Variants in RAD51C observed in about 807,000 individuals in gnomAD.
The protein encoded by RAD51C is DNA repair protein RAD51 homolog 3.
RAD51C carries 42 observed loss-of-function variants against 45.0 expected under a neutral mutation model. The ratio of observed to expected loss-of-function variants is 0.93; its 90% CI spans 0.73 to 1.21. The LOEUF is 1.21. Ranked by LOEUF, RAD51C falls within the 50% of genes most tolerant of loss-of-function variation. The probability of loss-of-function intolerance (pLI) is 0.00; values close to 1 mark genes in which losing one functional copy is unlikely to be tolerated. For synonymous variants in RAD51C, 172 were observed against 159.8 expected (o/e 1.08, Z -0.58); for missense variants, 474 against 452.2 (o/e 1.05, Z -0.44).
At chr17:58,703,174 T>A (rs756889526) in intron 3 of RAD51C, 22 bp from the exon 4 acceptor site, 3 of 1,607,900 alleles carry the variant, frequency 1.9e-6, no homozygotes, top group Non-Finnish European at 2.6e-6. Context: ...TAAAACTAAT[T>A]AAGAGTGTTT....
At chr17:58,707,332 A>G (rs1713148472) in intron 4 of RAD51C, among the ~76,000 whole-genome samples, 1 of 152,152 alleles carries the variant, frequency 6.6e-6, no homozygotes, top group Non-Finnish European at 1.5e-5. Flanking sequence ...CAGTCTGGCC[A>G]ACATGGTGAA....
At chr17:58,694,034 T>A (rs562818377) in intron 1 of RAD51C, 1 of 152,334 alleles carries the variant, frequency 6.6e-6, no homozygotes, top group South Asian at 2.1e-4. Flanking sequence ...GCCATTTTCT[T>A]TTCTCAGGCC....
intron 4 of RAD51C, among the ~76,000 whole-genome samples, chr17:58,706,862 A>G (rs1199291295): frequency 6.6e-6 from 1 of 152,160 alleles, no homozygotes; most frequent in Non-Finnish European, 1.5e-5. Flanking sequence ...TGGATAATCT[A>G]TTTATAGAGT....
At chr17:58,724,565 T>G (rs951908116) in intron 7 of RAD51C, among the ~76,000 whole-genome samples, 1 of 145,048 alleles carries the variant, frequency 6.9e-6, no homozygotes, top group African/African-American at 2.5e-5. Context: ...ATTGTGTCTG[T>G]TTTTTTTTTT....
At chr17:58,714,026 C>T (rs1397767138) in intron 5 of RAD51C, among the ~76,000 whole-genome samples, 1 of 151,708 alleles carries the variant, frequency 6.6e-6, no homozygotes, top group Admixed American at 6.6e-5. Context: ...CCTCTCTCAC[C>T]CAGGTTGGAG....
intron 3 of RAD51C, among the ~76,000 whole-genome samples, chr17:58,697,167 T>C (rs2048047368): frequency 6.6e-6 from 1 of 152,220 alleles, no homozygotes. Flanking sequence ...CACCTTAATA[T>C]AAGCAACTGT....
intron 2 of RAD51C, among the ~76,000 whole-genome samples, chr17:58,696,190 T>C (rs2047999267): frequency 6.6e-6 from 1 of 152,150 alleles, no homozygotes; most frequent in Non-Finnish European, 1.5e-5. Context: ...CCCAGCACTT[T>C]GGGAGGCCAA....
chr17:58,706,218 G>A (rs185159763), intron 4 of RAD51C, among the ~76,000 whole-genome samples: 1 of 152,006 alleles, frequency 6.6e-6, no homozygotes, highest in Non-Finnish European at 1.5e-5. Flanking sequence ...CACGAAGTCA[G>A]GAGTTTGAGA....
intron 6 of RAD51C, 126 bp from the exon 7 acceptor site, chr17:58,723,914 T>C (rs758119505): frequency 1.4e-4 from 128 of 884,550 alleles, no homozygotes; most frequent in Middle Eastern, 2.2e-4. Flanking sequence ...CCAGGTTTTT[T>C]GAAAGCAAGT....
intron 1 of RAD51C, chr17:58,694,380 A>C (rs2047914573): frequency 6.4e-6 from 1 of 156,406 alleles, no homozygotes; most frequent in African/African-American, 2.4e-5. Flanking sequence ...TTCCTGAGAC[A>C]CTTGTAGGTA....
chr17:58,698,005 C>T (rs2048079098), intron 3 of RAD51C, among the ~76,000 whole-genome samples: 1 of 151,910 alleles, frequency 6.6e-6, no homozygotes, highest in Non-Finnish European at 1.5e-5. Context: ...AGCCACCGCA[C>T]CCGGCCAATT....
chr17:58,700,937 T>C (rs2048191063), intron 3 of RAD51C, among the ~76,000 whole-genome samples: 1 of 152,166 alleles, frequency 6.6e-6, no homozygotes, highest in Admixed American at 6.5e-5. Flanking sequence ...CACTTTGTCA[T>C]CCAGGCCGGA....
rs1177998422 is a variant in RAD51C at position 58,696,807 on chromosome 17, T to C, written c.519T>C (p.Ala173=). The change falls in exon 3 of 9, where the codon GCT becomes GCC. Residue 173 remains alanine (A), a synonymous_variant. Coordinates refer to ENST00000337432, the MANE Select transcript of RAD51C (RefSeq NM_058216.3). The part of the protein sequence containing the change: ...SFMVDRVVDL[A]TACIQHLQLI... ...TGGTTGATAGAGTGGTAGACCTTGC[T>C]ACTGCCTGCATTCAGCACCTTCAGC... The C allele has an allele frequency of 6.2e-7, 1 of 1,614,222 alleles. No individual in the cohort carries two copies. The highest frequency in any genetic ancestry group is 1.7e-5 in the Admixed American group (1 of 60,020).
At chr17:58,724,227 G>A in intron 7 of RAD51C, 127 bp downstream of exon 7, 1 of 877,726 alleles carries the variant, frequency 1.1e-6, no homozygotes, top group Non-Finnish European at 1.9e-6. Context: ...CACTTTTGTT[G>A]CCTTGTCTGA....
chr17:58,725,264 G>T (rs2049076700), intron 7 of RAD51C, among the ~76,000 whole-genome samples: 1 of 151,842 alleles, frequency 6.6e-6, no homozygotes, highest in Non-Finnish European at 1.5e-5. Context: ...TCCTAGTTTT[G>T]TAAGTAAGTT....
intron 7 of RAD51C, among the ~76,000 whole-genome samples, chr17:58,726,581 C>CGT (rs1567812585): frequency 9.3e-6 from 1 of 107,556 alleles, no homozygotes; most frequent in African/African-American, 3.3e-5. Flanking sequence ...TATGTGTATA[C>CGT]ATATAGATGT....
intron 4 of RAD51C, chr17:58,706,480 G>A (rs1053822605): frequency 1.5e-5 from 6 of 404,876 alleles, no homozygotes; most frequent in African/African-American, 8.5e-5. Flanking sequence ...TTGATGCTCT[G>A]CCTTCCAGGC....
At chr17:58,707,293 C>T (rs979196494) in intron 4 of RAD51C, among the ~76,000 whole-genome samples, 2 of 151,950 alleles carry the variant, frequency 1.3e-5, no homozygotes, top group African/African-American at 2.4e-5. Context: ...CTGAGGTGGG[C>T]GGATTGCCTG....
chr17:58,697,912 A>C (rs760435779), intron 3 of RAD51C, among the ~76,000 whole-genome samples: 80 of 151,798 alleles, frequency 5.3e-4, no homozygotes, highest in Non-Finnish European at 1.1e-3. Flanking sequence ...GGGTTTCTCC[A>C]TGTTGATCAG....
Sources: gnomAD v4.1 joint callset for allele counts (sites outside exome capture counted in the v4.1 genomes callset) on GRCh38, gnomAD v4.1.1 for gene constraint, MANE v1.5 for transcripts, NCBI Gene and HGNC (gene_info 2026-07-23, HGNC 2026-07-21) for gene names.